OR5W2: variants seen among roughly 807,000 people sequenced by gnomAD.
OR5W2 encodes olfactory receptor 5W2.
For synonymous variants in OR5W2, 164 were observed against 138.2 expected (o/e 1.19, Z -1.31); for missense variants, 444 against 357.1 (o/e 1.24, Z -1.96).
At position 55,914,168 on chromosome 11, in the gene OR5W2, T is replaced by C. The variant is rs1699903928; in HGVS notation, c.415A>G (p.Arg139Gly). ...CCAGTCAAGAGTAGATAGCACACTC[T>C]GCTAGACATGTTGACTGTATAGAGC... is the stretch of plus-strand genomic sequence containing the variant. ...PLLYTVNMSS[R>G]VCYLLLTGVY... The change falls in exon 1 of 1, where the codon AGA becomes GGA. Residue 139 changes from arginine to glycine, a missense_variant. Arg to Gly is a moderately radical substitution (Grantham distance 125). Coordinates refer to ENST00000344514, the MANE Select transcript of OR5W2 (RefSeq NM_001001960.1). 1 of 1,613,294 alleles carries C rather than the reference T, an allele frequency of 6.2e-7. No homozygotes were observed. Among genetic ancestry groups the C allele is most frequent in the Non-Finnish European group, 8.5e-7 (1 of 1,179,616 alleles).
In OR5W2 at chr11:55,913,754, A is replaced by C. The variant is rs774941358; in HGVS notation, c.829T>G (p.Phe277Val). ...AACATGGGAACCACAAGGGTGTAAA[A>C]CAATGAGGTCATTTTATCTTGATCT... ...SLDQDKMTSL[F>V]YTLVVPMLNP... Residue 277 changes from phenylalanine (F) to valine (V), a missense_variant, in exon 1 of 1, where the codon TTT becomes GTT. Phe to Val is a conservative substitution (Grantham distance 50, BLOSUM62 -1). Transcript: ENST00000344514. 1 of 1,614,092 alleles carries C rather than the reference A, an allele frequency of 6.2e-7. No individual in the cohort carries two copies. The highest frequency in any genetic ancestry group is 1.7e-5 in the Admixed American group (1 of 60,028).
At position 55,913,758 on chromosome 11, in the gene OR5W2, T is replaced by C; in HGVS notation, c.825A>G (p.Ser275=). ...SYSLDQDKMT[S]LFYTLVVPML... ...TGGGAACCACAAGGGTGTAAAACAA[T>C]GAGGTCATTTTATCTTGATCTAGAG... is the stretch of plus-strand genomic sequence containing the variant. The change falls in exon 1 of 1, where the codon TCA becomes TCG. Residue 275 remains serine, a synonymous_variant. Coordinates refer to ENST00000344514, the MANE Select transcript of OR5W2 (RefSeq NM_001001960.1). 2 of 1,613,974 alleles carry C rather than the reference T, an allele frequency of 1.2e-6. No homozygotes were observed. Among genetic ancestry groups the C allele is most frequent in the Non-Finnish European group, 8.5e-7 (1 of 1,179,892 alleles).
In OR5W2 at chr11:55,913,893, A is replaced by G; in HGVS notation, c.690T>C (p.Ser230=). The G allele has an allele frequency of 6.2e-7, 1 of 1,613,776 alleles. No individual in the cohort carries two copies. Among genetic ancestry groups the G allele is most frequent in the Non-Finnish European group, 8.5e-7 (1 of 1,179,634 alleles). ...AGAGAGCTTTGAACCTCCCCTCAGCAGAGTGTATCTCCAAGACTGATAGGA... is the reference window on the plus strand; with the variant it reads ...AGAGAGCTTTGAACCTCCCCTCAGCGGAGTGTATCTCCAAGACTGATAGGA... ...YIILSVLEIH[S]AEGRFKALST... The change falls in exon 1 of 1, where the codon TCT becomes TCC. Residue 230 remains serine (S), a synonymous_variant. Coordinates refer to ENST00000344514, the MANE Select transcript of OR5W2 (RefSeq NM_001001960.1).
rs377411369 is a variant in OR5W2 at position 55,913,896 on chromosome 11, G to C, written c.687C>G (p.His229Gln). 7 of 1,613,726 alleles carry C rather than the reference G, an allele frequency of 4.3e-6. No individual in the cohort carries two copies. Among genetic ancestry groups the C allele is most frequent in the South Asian group, 1.1e-5 (1 of 91,084 alleles). ...CYIILSVLEIHSAEGRFKALS... is the reference protein window; with the variant it reads ...CYIILSVLEIQSAEGRFKALS... The stretch of plus-strand genomic sequence containing the variant: ...GAGCTTTGAACCTCCCCTCAGCAGA[G>C]TGTATCTCCAAGACTGATAGGATGA... Residue 229 changes from histidine (H) to glutamine (Q), a missense_variant, in exon 1 of 1, where the codon CAC (histidine) becomes CAG (glutamine). His to Gln is a conservative substitution (Grantham distance 24). Transcript: ENST00000344514.
Position 55,914,178 on chromosome 11 carries a change from G to T in OR5W2, c.405C>A (p.Asn135Lys), listed in dbSNP as rs79406760. 1 of 1,614,072 alleles carries T rather than the reference G, an allele frequency of 6.2e-7. No homozygotes were observed. Among genetic ancestry groups the T allele is most frequent in the East Asian group, 2.2e-5 (1 of 44,870 alleles). Residue 135 changes from asparagine to lysine, a missense_variant, in exon 1 of 1, where the codon AAC becomes AAA. By Grantham distance (94) the Asn-to-Lys change is moderately conservative. Transcript: ENST00000344514. The stretch of plus-strand genomic sequence containing the variant: ...GTAGATAGCACACTCTGCTAGACAT[G>T]TTGACTGTATAGAGCAGGGGGTTGA... ...AIINPLLYTV[N>K]MSSRVCYLLL... is the part of the protein sequence containing the mutation.
chr11:55,914,397 G>A lies in OR5W2; in HGVS notation c.186C>T (p.Phe62=). The A allele has an allele frequency of 6.2e-7, 1 of 1,613,902 alleles. No individual in the cohort carries two copies. The highest frequency in any genetic ancestry group is 1.7e-5 in the Admixed American group (1 of 60,024). Reference sequence around the variant, plus strand: ...GATCACAGAAAGACAGATGACTGAGGAAGAAATACATTGGTGTGTGAAGTT... The same window carrying A: ...GATCACAGAAAGACAGATGACTGAGAAAGAAATACATTGGTGTGTGAAGTT... ...DYQLHTPMYF[F]LSHLSFCDLC... Residue 62 remains phenylalanine, a synonymous_variant, in exon 1 of 1, where the codon TTC becomes TTT. Coordinates refer to ENST00000344514, the MANE Select transcript of OR5W2 (RefSeq NM_001001960.1).
chr11:55,913,794 A>G lies in OR5W2; in HGVS notation c.789T>C (p.Ser263=). 6.2e-7 allele frequency: 1 copy of G among 1,614,188 alleles called. No individual in the cohort carries two copies. Among genetic ancestry groups the G allele is most frequent in the South Asian group, 1.1e-5 (1 of 91,092 alleles). Residue 263 remains serine (S), a synonymous_variant, in exon 1 of 1, where the codon AGT becomes AGC. Coordinates refer to ENST00000344514, the MANE Select transcript of OR5W2 (RefSeq NM_001001960.1). ...TATCTTGATCTAGAGAATAGGAAGA[A>G]CTTGGCCGGAAATACATAAAGAGCA... ...GTLLFMYFRP[S]SSYSLDQDKM...
rs749625047 is a variant in OR5W2, at chr11:55,913,736, G to T, written c.847C>A (p.Pro283Thr). 6.8e-6 allele frequency: 11 copies of T among 1,613,930 alleles called. No individual in the cohort carries two copies. Among genetic ancestry groups the T allele is most frequent in the Non-Finnish European group, 8.5e-6 (10 of 1,179,902 alleles). Residue 283 changes from proline (P) to threonine (T), a missense_variant, in exon 1 of 1, where the codon CCC becomes ACC. Pro to Thr is a conservative substitution (Grantham distance 38). Transcript: ENST00000344514. Reference protein sequence around the residue: ...MTSLFYTLVVPMLNPLIYSLR... With the variant: ...MTSLFYTLVVTMLNPLIYSLR... ...CTATAAATCAGGGGGTTCAACATGG[G>T]AACCACAAGGGTGTAAAACAATGAG...
In OR5W2 at chr11:55,914,181, G is replaced by T; in HGVS notation, c.402C>A (p.Val134=). Residue 134 remains valine, a synonymous_variant, in exon 1 of 1, where the codon GTC becomes GTA. Coordinates refer to ENST00000344514, the MANE Select transcript of OR5W2 (RefSeq NM_001001960.1). The stretch of plus-strand genomic sequence containing the variant: ...GATAGCACACTCTGCTAGACATGTT[G>T]ACTGTATAGAGCAGGGGGTTGATGA... The part of the protein sequence containing the change: ...KAIINPLLYT[V]NMSSRVCYLL... 1.2e-6 allele frequency: 2 copies of T among 1,614,028 alleles called. No homozygotes were observed. Among genetic ancestry groups the T allele is most frequent in the South Asian group, 2.2e-5 (2 of 91,050 alleles).
Position 55,913,726 on chromosome 11 carries a change from TTCAAC to T in OR5W2, c.852_856del (p.Met284IlefsTer6). 6.2e-7 allele frequency: 1 copy of T among 1,614,014 alleles called. No homozygotes were observed. The highest frequency in any genetic ancestry group is 8.5e-7 in the Non-Finnish European group (1 of 1,179,932). ...GTTCCTCAGGCTATAAATCAGGGGG[TTCAAC>T]ATGGGAACCACAAGGGTGTAAAACA... On this transcript the variant is annotated frameshift_variant, in exon 1 of 1. Coordinates refer to ENST00000344514, the MANE Select transcript of OR5W2 (RefSeq NM_001001960.1). LOFTEE classifies it low-confidence loss of function (END_TRUNC).
At position 55,914,118 on chromosome 11, in the gene OR5W2, A is replaced by T; in HGVS notation, c.465T>A (p.Asp155Glu). The T allele has an allele frequency of 6.2e-7, 1 of 1,613,958 alleles. No homozygotes were observed. The highest frequency in any genetic ancestry group is 1.3e-5 in the African/African-American group (1 of 75,064). Residue 155 changes from aspartate to glutamate, a missense_variant, in exon 1 of 1, where the codon GAT becomes GAA. Physicochemically the swap from Asp to Glu is conservative, Grantham distance 45. Coordinates refer to ENST00000344514, the MANE Select transcript of OR5W2 (RefSeq NM_001001960.1). ...LTGVYLVGIA[D>E]ALIHMTLAFR... ...AGGCCAGTGTCATATGTATCAAAGC[A>T]TCTGCTATTCCCACCAGATAAACCC... is the stretch of plus-strand genomic sequence containing the variant.
Position 55,913,673 on chromosome 11 carries a change from G to T in OR5W2, c.910C>A (p.Leu304Met), listed in dbSNP as rs62639688. ...NKDVKEALKK[L>M]KNKILF is the part of the protein sequence containing the mutation. ...CCTTAAAATAAAATTTTATTTTTCA[G>T]TTTTTTCAGGGCCTCTTTCACATCC... Residue 304 changes from leucine to methionine, a missense_variant, in exon 1 of 1, where the codon CTG becomes ATG. Leu to Met is a conservative substitution (Grantham distance 15). Transcript: ENST00000344514. 2.1e-5 allele frequency: 33 copies of T among 1,581,564 alleles called. No homozygotes were observed. The highest frequency in any genetic ancestry group is 2.7e-5 in the Non-Finnish European group (31 of 1,168,240).
At position 55,914,537 on chromosome 11, in the gene OR5W2, C is replaced by T. The variant is rs566367099; in HGVS notation, c.46G>A (p.Gly16Arg). ...CSSLTDFFLL[G>R]ITNNPEMKVT... is the part of the protein sequence containing the mutation. ...TTCATCTCTGGGTTATTGGTAATTC[C>T]CAAGAGAAAAAAATCAGTTAATGAG... Residue 16 changes from glycine (G) to arginine (R), a missense_variant, in exon 1 of 1, where the codon GGA (glycine) becomes AGA (arginine). Gly to Arg is a moderately radical substitution (Grantham distance 125). Transcript: ENST00000344514. 1 of 1,608,652 alleles carries T rather than the reference C, an allele frequency of 6.2e-7. No individual in the cohort carries two copies. The highest frequency in any genetic ancestry group is 1.3e-5 in the African/African-American group (1 of 74,602).
At position 55,913,738 on chromosome 11, in the gene OR5W2, A is replaced by G. The variant is rs771444489; in HGVS notation, c.845T>C (p.Val282Ala). ...ATAAATCAGGGGGTTCAACATGGGA[A>G]CCACAAGGGTGTAAAACAATGAGGT... The part of the protein sequence containing the change: ...KMTSLFYTLV[V>A]PMLNPLIYSL... Residue 282 changes from valine to alanine, a missense_variant, in exon 1 of 1, where the codon GTT (valine) becomes GCT (alanine). Coordinates refer to ENST00000344514, the MANE Select transcript of OR5W2 (RefSeq NM_001001960.1). 2.5e-6 allele frequency: 4 copies of G among 1,613,896 alleles called. No individual in the cohort carries two copies. Among genetic ancestry groups the G allele is most frequent in the Non-Finnish European group, 3.4e-6 (4 of 1,179,938 alleles).
Position 55,914,022 on chromosome 11 carries a change from G to C in OR5W2, c.561C>G (p.Leu187=), listed in dbSNP as rs775587808. The change falls in exon 1 of 1, where the codon CTC becomes CTG. Residue 187 remains leucine, a synonymous_variant. Coordinates refer to ENST00000344514, the MANE Select transcript of OR5W2 (RefSeq NM_001001960.1). The part of the protein sequence containing the change: ...FFCDIPPLLL[L]SRSDTQVNEL... ...CATTGACCTGTGTATCTGAGCGAGA[G>C]AGTAATAAGAGAGGAGGGATATCAC... 1 of 1,613,236 alleles carries C rather than the reference G, an allele frequency of 6.2e-7. No homozygotes were observed. Among genetic ancestry groups the C allele is most frequent in the Non-Finnish European group, 8.5e-7 (1 of 1,179,212 alleles).
chr11:55,913,847 A>G lies in OR5W2; in HGVS notation c.736T>C (p.Ser246Pro), dbSNP rs371161626. 7.4e-6 allele frequency: 12 copies of G among 1,614,144 alleles called. No individual in the cohort carries two copies. The South Asian group carries it at 7.7e-5, about 10-fold the overall frequency. ...GTTCCCTGGAAAATTGCAACCGCAG[A>G]TAAGTGGGAAGTGCATGTAGAGAGA... The part of the protein sequence containing the change: ...KALSTCTSHL[S>P]AVAIFQGTLL... The change falls in exon 1 of 1, where the codon TCT (serine) becomes CCT (proline). Residue 246 changes from serine (S) to proline (P), a missense_variant. Coordinates refer to ENST00000344514, the MANE Select transcript of OR5W2 (RefSeq NM_001001960.1).
At position 55,914,169 on chromosome 11, in the gene OR5W2, G is replaced by T. The variant is rs1022343989; in HGVS notation, c.414C>A (p.Ser138Arg). ...CAGTCAAGAGTAGATAGCACACTCT[G>T]CTAGACATGTTGACTGTATAGAGCA... ...NPLLYTVNMS[S>R]RVCYLLLTGV... The change falls in exon 1 of 1, where the codon AGC becomes AGA. Residue 138 changes from serine to arginine, a missense_variant. Physicochemically the swap from Ser to Arg is moderately radical, Grantham distance 110 (BLOSUM62 -1). Transcript: ENST00000344514. 6.2e-7 allele frequency: 1 copy of T among 1,613,862 alleles called. No homozygotes were observed. The highest frequency in any genetic ancestry group is 1.3e-5 in the African/African-American group (1 of 74,916).
rs746658226 is a variant in OR5W2 at position 55,914,539 on chromosome 11, A to T, written c.44T>A (p.Leu15Ter). 6.2e-7 allele frequency: 1 copy of T among 1,609,882 alleles called. No individual in the cohort carries two copies. The highest frequency in any genetic ancestry group is 8.5e-7 in the Non-Finnish European group (1 of 1,177,756). ...NCSSLTDFFL[L>*]GITNNPEMKV... ...CATCTCTGGGTTATTGGTAATTCCC[A>T]AGAGAAAAAAATCAGTTAATGAGGA... Residue 15 changes from leucine (L) to a stop codon, truncating the protein, a stop_gained, in exon 1 of 1, where the codon TTG (leucine) becomes TAG (stop). Transcript: ENST00000344514. LOFTEE classifies it low-confidence loss of function (END_TRUNC).
chr11:55,913,852 T>TGGGAAA lies in OR5W2; in HGVS notation c.730_731insTTTCCC (p.Ser243_His244insLeuSer). 1 of 1,613,918 alleles carries TGGGAAA rather than the reference T, an allele frequency of 6.2e-7. No homozygotes were observed. The highest frequency in any genetic ancestry group is 8.5e-7 in the Non-Finnish European group (1 of 1,179,924). Reference sequence around the variant, plus strand: ...CTGGAAAATTGCAACCGCAGATAAGTGGGAAGTGCATGTAGAGAGAGCTTT... The same window carrying TGGGAAA: ...CTGGAAAATTGCAACCGCAGATAAGTGGGAAAGGGAAGTGCATGTAGAGAGAGCTTT... On this transcript the variant is annotated inframe_insertion, in exon 1 of 1. Transcript: ENST00000344514.
Sources: allele counts gnomAD v4.1 joint callset, GRCh38; gene constraint gnomAD v4.1.1; transcripts MANE v1.5; gene names NCBI Gene and HGNC (gene_info 2026-07-23, HGNC 2026-07-21).